The following FBXW7 variants were observed in gnomAD, a reference collection of about 807,000 sequenced individuals.
FBXW7 encodes F-box and WD repeat domain containing 7.
Under a neutral mutation model 86.3 loss-of-function variants are expected in FBXW7, and 11 were observed. The ratio of observed to expected loss-of-function variants is 0.13; its 90% CI spans 0.08 to 0.21. The LOEUF is 0.21. Ranked by LOEUF, FBXW7 falls within the 10% of genes least tolerant of loss-of-function variation. The probability of loss-of-function intolerance (pLI) is 1.00; values close to 1 mark genes in which losing one functional copy is unlikely to be tolerated. For missense variants in FBXW7, 488 were observed against 847.4 expected, an observed-to-expected ratio of 0.58 and a Z score of 5.27; for synonymous variants, 313 against 297.9, an observed-to-expected ratio of 1.05 and a Z score of -0.52.
In FBXW7 at chr4:152,329,713, C is replaced by A; in HGVS notation, c.1195G>T (p.Asp399Tyr). The A allele has an allele frequency of 6.3e-7, 1 of 1,588,274 alleles. No homozygotes were observed. The highest frequency in any genetic ancestry group is 8.6e-7 in the Non-Finnish European group (1 of 1,168,992). ...GACCAAACTTTTAAAGTGTTGTCAT[C>A]AGAACCACTAACTATTCGGTTACCA... ...FCGNRIVSGS[D>Y]DNTLKVWSAV... is the part of the protein sequence containing the mutation. Residue 399 changes from aspartate to tyrosine, a missense_variant, in exon 10 of 14, where the codon GAT becomes TAT. By Grantham distance (160) the Asp-to-Tyr change is radical. This residue lies in a region of FBXW7 where 142 missense variants were observed against 406.6 expected (regional missense o/e 0.35). Transcript: ENST00000281708.
intron 2 of FBXW7, among the ~76,000 whole-genome samples, chr4:152,483,495 G>A (rs1277205555): frequency 1.3e-5 from 2 of 151,842 alleles, no homozygotes; most frequent in African/African-American, 4.8e-5. Context: ...TTGAGCCCAG[G>A]AGTCCAAGAC....
At chr4:152,370,373 A>G (rs778025540) in intron 4 of FBXW7, among the ~76,000 whole-genome samples, 6 of 152,012 alleles carry the variant, frequency 3.9e-5, no homozygotes, top group Non-Finnish European at 7.4e-5. Flanking sequence ...AAATAATCAT[A>G]AACAAATGGC....
Position 152,396,477 on chromosome 4 carries a change from C to T in FBXW7, c.501+14826G>A, listed in dbSNP as rs2126825388. On this transcript the variant is annotated intron_variant, in intron 4 of 13. Transcript: ENST00000281708. ...TGCTCAGCAATACTGTTAAATGAAT[C>T]AAGTTTTAACTAGCAAGCCAGTGTT... Among the ~76,000 whole-genome samples, 3 of 152,022 alleles carry T rather than the reference C, an allele frequency of 2.0e-5. 1 individual carries two copies. The highest frequency in any genetic ancestry group is 4.8e-5 in the African/African-American group (2 of 41,526).
chr4:152,426,088 G>A (rs1286179952), intron 2 of FBXW7, among the ~76,000 whole-genome samples: 4 of 152,266 alleles, frequency 2.6e-5, no homozygotes, highest in Admixed American at 2.6e-4. Context: ...GTGGTAACCA[G>A]GTGGTAATGT....
chr4:152,495,011 A>C (rs1746191873), intron 2 of FBXW7, among the ~76,000 whole-genome samples: 1 of 152,208 alleles, frequency 6.6e-6, no homozygotes, highest in African/African-American at 2.4e-5. Context: ...AGAGTTCCTA[A>C]ATAATGTGAA....
At chr4:152,376,515 T>G (rs193198916) in intron 4 of FBXW7, among the ~76,000 whole-genome samples, 39 of 152,222 alleles carry the variant, frequency 2.6e-4, no homozygotes, top group African/African-American at 8.9e-4. Flanking sequence ...ATACACCCCT[T>G]GAACTAACTG....
chr4:152,430,406 G>A (rs1046089801), intron 2 of FBXW7, among the ~76,000 whole-genome samples: 4 of 151,922 alleles, frequency 2.6e-5, no homozygotes, highest in African/African-American at 9.7e-5. Context: ...TTTCTTGTGT[G>A]AAAAATTACA....
intron 4 of FBXW7, among the ~76,000 whole-genome samples, chr4:152,362,620 C>A (rs1055488758): frequency 3.3e-5 from 5 of 151,768 alleles, no homozygotes; most frequent in Admixed American, 1.3e-4. Context: ...ATCAAGTTCA[C>A]CAGGCCATCA....
intron 2 of FBXW7, among the ~76,000 whole-genome samples, chr4:152,425,485 T>G (rs1739301631): frequency 6.6e-6 from 1 of 152,162 alleles, no homozygotes; most frequent in Non-Finnish European, 1.5e-5. Context: ...AACATCTCCC[T>G]GGAAGGAGTT....
At chr4:152,462,894 G>C (rs947850347) in intron 2 of FBXW7, among the ~76,000 whole-genome samples, 1 of 146,368 alleles carries the variant, frequency 6.8e-6, no homozygotes, top group Non-Finnish European at 1.5e-5. Context: ...AGAATTTGAA[G>C]TACTCCCACT....
chr4:152,378,288 T>G lies in FBXW7; in HGVS notation c.502-28164A>C, dbSNP rs140206275. ...TAAGTACAGTATTTGGAATAGAATT[T>G]GATATAGAATATAATCACTATGAAA... is the stretch of plus-strand genomic sequence containing the variant. On this transcript the variant is annotated intron_variant, in intron 4 of 13. Coordinates refer to ENST00000281708, the MANE Select transcript of FBXW7 (RefSeq NM_001349798.2). Among the ~76,000 whole-genome samples the G allele has an allele frequency of 2.3e-3, 344 of 152,366 alleles. 4 individuals are homozygous for G. The highest frequency in any genetic ancestry group is 5.7e-3 in the Admixed American group (87 of 15,308).
At position 152,324,356 on chromosome 4, in the gene FBXW7, T is replaced by C. The variant is rs752171411; in HGVS notation, c.1683A>G (p.Thr561=). The C allele has an allele frequency of 2.5e-6, 4 of 1,609,062 alleles. No homozygotes were observed. The highest frequency in any genetic ancestry group is 3.4e-5 in the Admixed American group (2 of 59,402). ...TCTCCACATCCCAAACACGGATTGA[T>C]GTATCAAGAGATCCACTCACCACAT... The part of the protein sequence containing the change: ...GIHVVSGSLD[T]SIRVWDVETG... The change falls in exon 13 of 14, where the codon ACA becomes ACG. Residue 561 remains threonine (T), a synonymous_variant. Coordinates refer to ENST00000281708, the MANE Select transcript of FBXW7 (RefSeq NM_001349798.2).
chr4:152,332,732 T>C lies in FBXW7; in HGVS notation c.862-13A>G, dbSNP rs1578895659. 6.6e-7 allele frequency: 1 copy of C among 1,526,616 alleles called. No homozygotes were observed. Among genetic ancestry groups the C allele is most frequent in the Non-Finnish European group, 8.9e-7 (1 of 1,124,408 alleles). 94.6% of individuals were successfully genotyped at this position (1,526,616 alleles called of 1,614,324 possible). A position where few individuals can be genotyped will look rare whatever the true frequency, so the allele number is the denominator to read the frequency against. Reference sequence around the variant, plus strand: ...CATAGAGTGCCAACTAAGAAAAAAATGCATAGTATAATACCCATATTTAAA... The same window carrying C: ...CATAGAGTGCCAACTAAGAAAAAAACGCATAGTATAATACCCATATTTAAA... On this transcript the variant is annotated splice_polypyrimidine_tract_variant and intron_variant, in intron 7 of 13. Coordinates refer to ENST00000281708, the MANE Select transcript of FBXW7 (RefSeq NM_001349798.2).
chr4:152,338,038 G>A (rs2126588091), intron 6 of FBXW7, 102 bp from the exon 7 acceptor site: 1 of 1,116,432 alleles, frequency 9.0e-7, no homozygotes. Flanking sequence ...GTTGATCAGG[G>A]TAGAACTGTA....
chr4:152,381,928 A>G (rs1225833620), intron 4 of FBXW7, among the ~76,000 whole-genome samples: 2 of 152,130 alleles, frequency 1.3e-5, no homozygotes, highest in African/African-American at 4.8e-5. Context: ...ACCTTTTTAC[A>G]TTTACTAATT....
In FBXW7 at chr4:152,325,993, T is replaced by G. The variant is rs150453955; in HGVS notation, c.1644+13A>C. 3.1e-6 allele frequency: 5 copies of G among 1,603,282 alleles called. No individual in the cohort carries two copies. In the African/African-American group the frequency reaches 5.4e-5, roughly 17 times the overall value. ...ATCAGGAGAGCATTTAAGGGAGAGA[T>G]AAGAGATCTTACCTGTAATGAATAG... On this transcript the variant is annotated intron_variant, in intron 12 of 13. Coordinates refer to ENST00000281708, the MANE Select transcript of FBXW7 (RefSeq NM_001349798.2).
intron 6 of FBXW7, among the ~76,000 whole-genome samples, chr4:152,344,921 A>G (rs1208874448): frequency 6.6e-6 from 1 of 152,200 alleles, no homozygotes; most frequent in Non-Finnish European, 1.5e-5. Context: ...GGTTATCTAC[A>G]ATGATGATAA....
intron 2 of FBXW7, among the ~76,000 whole-genome samples, chr4:152,454,241 A>G (rs1317332922): frequency 6.9e-6 from 1 of 145,366 alleles, no homozygotes; most frequent in Non-Finnish European, 1.5e-5. Flanking sequence ...ACTGGAGAGT[A>G]ACTCTCTAAG....
chr4:152,323,299 T>G, intron 13 of FBXW7, 150 bp from the exon 14 acceptor site: 1 of 940,662 alleles, frequency 1.1e-6, no homozygotes, highest in Non-Finnish European at 1.5e-6. Flanking sequence ...CTCAGTATTT[T>G]AGGATCAGCA....
Sources: allele counts gnomAD v4.1 joint callset (sites outside exome capture counted in the v4.1 genomes callset), GRCh38; gene constraint gnomAD v4.1.1; regional missense constraint gnomAD v4.1.1; transcripts MANE v1.5; gene names NCBI Gene and HGNC (gene_info 2026-07-23, HGNC 2026-07-21).